The following PPP1R10 variants were observed in gnomAD, a reference collection of about 807,000 sequenced individuals.
PPP1R10 encodes the protein serine/threonine-protein phosphatase 1 regulatory subunit 10.
Under a neutral mutation model 99.0 loss-of-function variants are expected in PPP1R10, and 15 were observed. The ratio of observed to expected loss-of-function variants is 0.15; its 90% CI spans 0.10 to 0.23. PPP1R10 has a LOEUF of 0.23. Among genes scored for constraint, PPP1R10 ranks in the 10% least tolerant of loss-of-function variants. The probability of loss-of-function intolerance (pLI) is 1.00; values close to 1 mark genes in which losing one functional copy is unlikely to be tolerated. For synonymous variants in PPP1R10, 430 were observed against 449.5 expected (o/e 0.96, Z 0.55); for missense variants, 947 against 1,259.4 (o/e 0.75, Z 3.75).
At chr6:30,615,758 C>A (rs928908829) in intron 2 of PPP1R10, among the ~76,000 whole-genome samples, 1 of 152,104 alleles carries the variant, frequency 6.6e-6, no homozygotes, top group Non-Finnish European at 1.5e-5. Context: ...CCTATGCAAT[C>A]TGCAACAATT....
Position 30,606,805 on chromosome 6 carries a change from C to G in PPP1R10, c.434G>C (p.Arg145Pro). ...AGCAGGCTGGGTACTGCTCTGAGAG[C>G]GGATGACAGCCATCCAGTCGCTGAC... ...VLVSDWMAVI[R>P]SQSSTQPAEK... The change falls in exon 7 of 20, where the codon CGC becomes CCC. Residue 145 changes from arginine (R) to proline (P), a missense_variant. Around this residue, in one of 10 missense-constraint regions of PPP1R10, gnomAD observed 92 missense variants for 159.2 expected, o/e 0.58. Transcript: ENST00000376511. The surrounding 1 kb of genome is among the most constrained non-coding windows in gnomAD (Gnocchi z 6.3). The G allele has an allele frequency of 6.2e-7, 1 of 1,614,028 alleles. No homozygotes were observed.
chr6:30,606,575 G>A lies in PPP1R10; in HGVS notation c.527C>T (p.Thr176Ile), dbSNP rs754244864. Residue 176 changes from threonine (T) to isoleucine (I), a missense_variant, in exon 8 of 20, where the codon ACA (threonine) becomes ATA (isoleucine). Thr to Ile is a moderately conservative substitution (Grantham distance 89). Coordinates refer to ENST00000376511, the MANE Select transcript of PPP1R10 (RefSeq NM_002714.4). The surrounding 1 kb of genome is among the most constrained non-coding windows in gnomAD (Gnocchi z 6.3). ...AGCCCGGGTCTCAGCCTTCACCTCT[G>A]TCAAAGGTCGCTCAGGAAGGGTAGT... is the stretch of plus-strand genomic sequence containing the variant. ...SRTTLPERPL[T>I]EVKAETRAEE... is the part of the protein sequence containing the mutation. 1 of 1,614,126 alleles carries A rather than the reference G, an allele frequency of 6.2e-7. No homozygotes were observed. Among genetic ancestry groups the A allele is most frequent in the Non-Finnish European group, 8.5e-7 (1 of 1,180,034 alleles).
intron 2 of PPP1R10, among the ~76,000 whole-genome samples, chr6:30,613,096 T>C (rs972452061): frequency 2.0e-5 from 3 of 152,222 alleles, no homozygotes; most frequent in Admixed American, 6.5e-5. Flanking sequence ...GGCAGAGCCA[T>C]ACTCTACTGG....
intron 10 of PPP1R10, 31 bp downstream of exon 10, chr6:30,605,892 T>TCAAAGTACATCTTCCC: frequency 6.5e-7 from 1 of 1,528,290 alleles, no homozygotes; most frequent in Non-Finnish European, 8.9e-7. Context: ...TGCTCCTAAT[T>TCAAAGTACATCTTCCC]CAAAGTACAT....
Position 30,615,229 on chromosome 6 carries a change from T to TAA in PPP1R10, c.-12+1247_-12+1248dup, listed in dbSNP as rs5875265. ...GTTACATTATAAAACACCTTTTTAGTAAAAAAAAAAAAAAAAAAAATCAAA... is the reference window on the plus strand; with the variant it reads ...GTTACATTATAAAACACCTTTTTAGTAAAAAAAAAAAAAAAAAAAAAATCAAA... On this transcript the variant is annotated intron_variant, in intron 2 of 19. Transcript: ENST00000376511. Among the ~76,000 whole-genome samples, 172 of 109,756 alleles carry TAA rather than the reference T, an allele frequency of 1.6e-3. 1 individual carries two copies. The highest frequency in any genetic ancestry group is 4.5e-3 in the African/African-American group (137 of 30,530). 72.0% of individuals were successfully genotyped at this position (109,756 alleles called of 152,430 possible).
At position 30,604,790 on chromosome 6, in the gene PPP1R10, A is replaced by T. The variant is rs1803754005; in HGVS notation, c.955-55T>A. ...CTGACTGGAAAGCCAAGGGCAAGGCAATTAGTCCAGGGTCCCAGGCACAGT... is the reference window on the plus strand; with the variant it reads ...CTGACTGGAAAGCCAAGGGCAAGGCTATTAGTCCAGGGTCCCAGGCACAGT... On this transcript the variant is annotated intron_variant, in intron 11 of 19. Coordinates refer to ENST00000376511, the MANE Select transcript of PPP1R10 (RefSeq NM_002714.4). This position sits in a 1 kb window ranked among gnomAD's most constrained non-coding sequence, Gnocchi z 7.3. 2 of 1,609,584 alleles carry T rather than the reference A, an allele frequency of 1.2e-6. No individual in the cohort carries two copies. Among genetic ancestry groups the T allele is most frequent in the Admixed American group, 3.3e-5 (2 of 59,930 alleles).
In PPP1R10 at chr6:30,609,482, T is replaced by C. The variant is rs952492676; in HGVS notation, c.108-319A>G. 1.3e-5 allele frequency among the ~76,000 whole-genome samples: 2 copies of C among 152,188 alleles called. No homozygotes were observed. The highest frequency in any genetic ancestry group is 4.8e-5 in the African/African-American group (2 of 41,450). ...CCTAATAGTCTGTTCAAGACTGGCT[T>C]AGTTATTTACTCTCCCCTGAAAAAC... On this transcript the variant is annotated intron_variant, in intron 3 of 19. Coordinates refer to ENST00000376511, the MANE Select transcript of PPP1R10 (RefSeq NM_002714.4). This position sits in a 1 kb window ranked among gnomAD's most constrained non-coding sequence, Gnocchi z 4.5.
In PPP1R10 at chr6:30,604,051, G is replaced by A; in HGVS notation, c.1465C>T (p.Arg489Trp). 6.2e-7 allele frequency: 1 copy of A among 1,611,908 alleles called. No homozygotes were observed. The highest frequency in any genetic ancestry group is 1.1e-5 in the South Asian group (1 of 90,902). The change falls in exon 14 of 20, where the codon CGG becomes TGG. Residue 489 changes from arginine (R) to tryptophan (W), a missense_variant. Arg to Trp is a moderately radical substitution (Grantham distance 101). Coordinates refer to ENST00000376511, the MANE Select transcript of PPP1R10 (RefSeq NM_002714.4). The surrounding 1 kb of genome is among the most constrained non-coding windows in gnomAD (Gnocchi z 7.3). ...NSQERYIQAEREKGILQELFL... is the reference protein window; with the variant it reads ...NSQERYIQAEWEKGILQELFL... ...AGCTCCTGAAGGATTCCCTTCTCCC[G>A]CTCAGCCTGGATATATCGCTCCTGA...
Position 30,606,862 on chromosome 6 carries a change from G to A in PPP1R10, c.383-6C>T. The A allele has an allele frequency of 6.2e-7, 1 of 1,611,608 alleles. No individual in the cohort carries two copies. ...TGAGGCCAATTTCCGGAGCTCTGCA[G>A]GTGACAGAAAGGGGAAATGCCTAAA... is the stretch of plus-strand genomic sequence containing the variant. On this transcript the variant is annotated splice_polypyrimidine_tract_variant and splice_region_variant and intron_variant, in intron 6 of 19. Coordinates refer to ENST00000376511, the MANE Select transcript of PPP1R10 (RefSeq NM_002714.4). The surrounding 1 kb of genome is among the most constrained non-coding windows in gnomAD (Gnocchi z 6.3).
chr6:30,605,024 T>C lies in PPP1R10; in HGVS notation c.924A>G (p.Lys308=), dbSNP rs771327004. 22 of 1,612,958 alleles carry C rather than the reference T, an allele frequency of 1.4e-5. No homozygotes were observed. Among genetic ancestry groups the C allele is most frequent in the Non-Finnish European group, 1.6e-5 (19 of 1,180,024 alleles). ...APVPGIKIKK[K]KKVLSPTAAK... ...CAGCCGTAGGTGACAGTACTTTTTT[T>C]TTCTTCTTAATTTTGATGCCTGGAA... The change falls in exon 11 of 20, where the codon AAA becomes AAG. Residue 308 remains lysine, a synonymous_variant. Transcript: ENST00000376511.
chr6:30,603,815 C>T lies in PPP1R10; in HGVS notation c.1537G>A (p.Glu513Lys), dbSNP rs776493915. The T allele has an allele frequency of 6.5e-6, 10 of 1,539,700 alleles. No individual in the cohort carries two copies. Among genetic ancestry groups the T allele is most frequent in the Non-Finnish European group, 4.4e-6 (5 of 1,145,284 alleles). ...SPHEPDPEPY[E>K]PIPPKLIPLD... is the part of the protein sequence containing the mutation. Reference sequence around the variant, plus strand: ...GGGATGAGTTTAGGGGGTATGGGCTCGTAGGGCTCAGGATCAGGCTCATGA... The same window carrying T: ...GGGATGAGTTTAGGGGGTATGGGCTTGTAGGGCTCAGGATCAGGCTCATGA... The change falls in exon 15 of 20, where the codon GAG becomes AAG. Residue 513 changes from glutamate (E) to lysine (K), a missense_variant. Physicochemically the swap from Glu to Lys is moderately conservative, Grantham distance 56. Transcript: ENST00000376511.
At chr6:30,615,596 T>G (rs1241007759) in intron 2 of PPP1R10, among the ~76,000 whole-genome samples, 2 of 152,208 alleles carry the variant, frequency 1.3e-5, no homozygotes, top group African/African-American at 2.4e-5. Flanking sequence ...ACACAAATCT[T>G]TTAGAAAGCT....
At chr6:30,615,667 CT>C (rs1458702723) in intron 2 of PPP1R10, among the ~76,000 whole-genome samples, 1 of 152,158 alleles carries the variant, frequency 6.6e-6, no homozygotes, top group African/African-American at 2.4e-5. Flanking sequence ...ATTTCCCAAC[CT>C]TTCCACCCTC....
intron 6 of PPP1R10, among the ~76,000 whole-genome samples, chr6:30,607,547 T>C (rs1032822696): frequency 2.6e-5 from 4 of 152,212 alleles, no homozygotes; most frequent in African/African-American, 9.7e-5. Context: ...GATGATACTA[T>C]TTCCCACAGC....
rs1039857007 is a variant in PPP1R10 at position 30,601,848 on chromosome 6, A to G, written c.2713+88T>C. ...GAGACGGGTACCTCACGTTCTGCCT[A>G]GCTACCAACAGTAGTGACTCTCACC... On this transcript the variant is annotated intron_variant, in intron 19 of 19. Coordinates refer to ENST00000376511, the MANE Select transcript of PPP1R10 (RefSeq NM_002714.4). 6 of 1,430,712 alleles carry G rather than the reference A, an allele frequency of 4.2e-6. No homozygotes were observed. In the South Asian group the frequency reaches 8.7e-5, roughly 21 times the overall value. 88.6% of individuals were successfully genotyped at this position (1,430,712 alleles called of 1,614,324 possible).
At chr6:30,614,350 T>C (rs1804864386) in intron 2 of PPP1R10, among the ~76,000 whole-genome samples, 1 of 152,166 alleles carries the variant, frequency 6.6e-6, no homozygotes, top group African/African-American at 2.4e-5. Flanking sequence ...AGGTTTTGCT[T>C]ACCAGAAACC....
chr6:30,601,973 GC>G lies in PPP1R10; in HGVS notation c.2675del (p.Gly892AlafsTer25). 1 of 1,511,996 alleles carries G rather than the reference GC, an allele frequency of 6.6e-7. No individual in the cohort carries two copies. The allele number at this position is 1,511,996 out of a possible 1,614,324, so 93.7% of individuals were successfully genotyped here. The stretch of plus-strand genomic sequence containing the variant: ...TGTGGCCTCCATCGTGCCCTCGGTG[GC>G]CCCCTCCCCCGTGGCCAGGACCATC... ...GHDGPGHGGGGHRGHDGGHSH... is the reference protein window; with the variant it reads ...GHDGPGHGGGXHRGHDGGHSH... On this transcript the variant is annotated frameshift_variant, in exon 19 of 20. Transcript: ENST00000376511. LOFTEE classifies it high-confidence loss of function.
rs1582655014 is a variant in PPP1R10, at chr6:30,606,981, T to A, written c.383-125A>T. 1 of 849,550 alleles carries A rather than the reference T, an allele frequency of 1.2e-6. No homozygotes were observed. Among genetic ancestry groups the A allele is most frequent in the East Asian group, 2.7e-5 (1 of 37,610 alleles). 52.6% of individuals were successfully genotyped at this position (849,550 alleles called of 1,614,324 possible). A position where few individuals can be genotyped will look rare whatever the true frequency, so the allele number is the denominator to read the frequency against. On this transcript the variant is annotated intron_variant, in intron 6 of 19. Transcript: ENST00000376511. This position sits in a 1 kb window ranked among gnomAD's most constrained non-coding sequence, Gnocchi z 6.3. ...TAACGGAGAAAGTAACCCAAAGTTT[T>A]AAGAAGAACATGAGATATGCTTAAA...
chr6:30,609,971 AAAAC>A lies in PPP1R10; in HGVS notation c.-11-20_-11-17del, dbSNP rs756995313. On this transcript the variant is annotated splice_polypyrimidine_tract_variant and intron_variant, in intron 2 of 19. Transcript: ENST00000376511. This position sits in a 1 kb window ranked among gnomAD's most constrained non-coding sequence, Gnocchi z 4.5. Reference sequence around the variant, plus strand: ...ATGGTGGTTTCTATGGTAAGAGGACAAAACAAACAAACCCACAGAATAAATGGGT... The same window carrying A: ...ATGGTGGTTTCTATGGTAAGAGGACAAAACAAACCCACAGAATAAATGGGT... 17 of 1,558,600 alleles carry A rather than the reference AAAAC, an allele frequency of 1.1e-5. No homozygotes were observed. Among genetic ancestry groups the A allele is most frequent in the Middle Eastern group, 3.3e-4 (2 of 5,994 alleles).
Sources: gnomAD v4.1 joint callset for allele counts (sites outside exome capture counted in the v4.1 genomes callset) on GRCh38, gnomAD v4.1.1 for gene constraint, gnomAD v4.1.1 regional missense constraint, Gnocchi (gnomAD v3.1) non-coding constraint, MANE v1.5 for transcripts, NCBI Gene and HGNC (gene_info 2026-07-23, HGNC 2026-07-21) for gene names.